DOP1A: variants seen among roughly 807,000 people sequenced by gnomAD.
DOP1A encodes DOP1 leucine zipper like protein A.
In DOP1A, 90 loss-of-function variants were observed where a neutral mutation model predicts 267.6. The ratio of observed to expected loss-of-function variants is 0.34; its 90% CI spans 0.28 to 0.40. The LOEUF (loss-of-function observed/expected upper bound fraction) is 0.40. Among genes scored for constraint, DOP1A ranks in the 10% least tolerant of loss-of-function variants. The pLI is 1.00. For missense variants in DOP1A, 2,437 were observed against 2,900.4 expected, an observed-to-expected ratio of 0.84 and a Z score of 3.67; for synonymous variants, 932 against 999.1, an observed-to-expected ratio of 0.93 and a Z score of 1.27.
At chr6:83,097,139 TA>T (rs1771642963) in intron 3 of DOP1A, 24 bp downstream of exon 3, 1 of 1,599,250 alleles carries the variant, frequency 6.3e-7, no homozygotes. Flanking sequence ...ATCCATTTCA[TA>T]AAAGGAGTAA....
intron 38 of DOP1A, chr6:83,167,215 G>A (rs141200751): frequency 1.1e-6 from 1 of 921,940 alleles, no homozygotes; most frequent in African/African-American, 1.8e-5. Context: ...GGTGCCGTAA[G>A]TATGGCAGAG....
At chr6:83,085,919 A>T (rs1328386785) in intron 1 of DOP1A, among the ~76,000 whole-genome samples, 2 of 152,074 alleles carry the variant, frequency 1.3e-5, no homozygotes, top group Non-Finnish European at 2.9e-5. Flanking sequence ...TTCTCTGTGG[A>T]GGATGAATTA....
intron 7 of DOP1A, among the ~76,000 whole-genome samples, chr6:83,115,641 G>A (rs906377391): frequency 5.3e-5 from 8 of 152,138 alleles, no homozygotes; most frequent in Admixed American, 1.3e-4. Context: ...GGAGAATGGC[G>A]TGAACCCGGG....
chr6:83,145,675 C>T lies in DOP1A; in HGVS notation c.5676+17C>T, dbSNP rs1454897322. 5 of 1,606,844 alleles carry T rather than the reference C, an allele frequency of 3.1e-6. No homozygotes were observed. Among genetic ancestry groups the T allele is most frequent in the Non-Finnish European group, 4.2e-6 (5 of 1,177,604 alleles). ...AAGGACAAGGTAAGAAAAAACTCTT[C>T]TTCACATGTGTTTACAATTCTGTTT... is the stretch of plus-strand genomic sequence containing the variant. On this transcript the variant is annotated intron_variant, in intron 25 of 38. Transcript: ENST00000349129.
chr6:83,137,350 T>TAGA lies in DOP1A; in HGVS notation c.3310_3312dup (p.Glu1104dup), dbSNP rs777710396. 6.2e-7 allele frequency: 1 copy of TAGA among 1,613,836 alleles called. No individual in the cohort carries two copies. Among genetic ancestry groups the TAGA allele is most frequent in the East Asian group, 2.2e-5 (1 of 44,854 alleles). ...GATTTTGATCTTCCAGACCAACAGA[T>TAGA]AGAAATACTTCAGAGTTCTGACTCG... On this transcript the variant is annotated inframe_insertion, in exon 21 of 39. Transcript: ENST00000349129.
At chr6:83,162,280 C>A (rs1456084040) in intron 37 of DOP1A, among the ~76,000 whole-genome samples, 1 of 151,922 alleles carries the variant, frequency 6.6e-6, no homozygotes. Context: ...GACAAAATTA[C>A]AAACAAAAAT....
At chr6:83,083,108 A>C (rs1768429813) in intron 1 of DOP1A, among the ~76,000 whole-genome samples, 2 of 152,102 alleles carry the variant, frequency 1.3e-5, no homozygotes, top group Non-Finnish European at 2.9e-5. Context: ...ATGCCTGGCC[A>C]AAAACCCACT....
chr6:83,161,266 C>G (rs568867759), intron 37 of DOP1A: 1 of 151,820 alleles, frequency 6.6e-6, no homozygotes, highest in African/African-American at 2.4e-5. Flanking sequence ...GGAAACATGC[C>G]GTTATATTAA....
Position 83,123,706 on chromosome 6 carries a change from T to C in DOP1A, c.1340+724T>C, listed in dbSNP as rs1776699716. On this transcript the variant is annotated intron_variant, in intron 12 of 38. Coordinates refer to ENST00000349129, the MANE Select transcript of DOP1A (RefSeq NM_015018.4). ...GTTAAAAAGCATCATGCTAGGCAGA[T>C]AGACAGTCCCTGTCTTCAAAGATCT... 2.0e-5 allele frequency among the ~76,000 whole-genome samples: 3 copies of C among 152,122 alleles called. No individual in the cohort carries two copies. In the South Asian group the frequency reaches 6.2e-4, roughly 31 times the overall value.
chr6:83,079,916 C>G (rs1263450920), intron 1 of DOP1A, among the ~76,000 whole-genome samples: 7 of 152,126 alleles, frequency 4.6e-5, no homozygotes, highest in Non-Finnish European at 1.0e-4. Flanking sequence ...CGTTTCACCT[C>G]TCTAATCATT....
At chr6:83,166,956 T>G (rs535447952) in intron 38 of DOP1A, 2 of 986,482 alleles carry the variant, frequency 2.0e-6, no homozygotes, top group East Asian at 2.3e-4. Flanking sequence ...AGTGTGGAAT[T>G]GTATCTGTGA....
chr6:83,116,069 G>A (rs938682855), intron 7 of DOP1A, among the ~76,000 whole-genome samples: 5 of 152,232 alleles, frequency 3.3e-5, no homozygotes. Flanking sequence ...TGTTCTTTTG[G>A]TTAAAGTATA....
At chr6:83,078,770 T>C (rs1767576204) in intron 1 of DOP1A, among the ~76,000 whole-genome samples, 1 of 152,166 alleles carries the variant, frequency 6.6e-6, no homozygotes, top group South Asian at 2.1e-4. Flanking sequence ...TGTAGAGATT[T>C]TTTACAATAA....
At position 83,168,333 on chromosome 6, in the gene DOP1A, G is replaced by C; in HGVS notation, c.*166G>C. 7.1e-7 allele frequency: 1 copy of C among 1,415,012 alleles called. No homozygotes were observed. Among genetic ancestry groups the C allele is most frequent in the Non-Finnish European group, 9.2e-7 (1 of 1,090,116 alleles). The allele number at this position is 1,415,012 out of a possible 1,614,324, so 87.7% of individuals were successfully genotyped here. The stretch of plus-strand genomic sequence containing the variant: ...AAGAGCAAATGTCTGAATGTGGCCT[G>C]AATCAAGTTTAAATATTGTTGGCTC... On this transcript the variant is annotated 3_prime_UTR_variant, in exon 39 of 39. Coordinates refer to ENST00000349129, the MANE Select transcript of DOP1A (RefSeq NM_015018.4).
At position 83,076,107 on chromosome 6, in the gene DOP1A, A is replaced by G. The variant is rs141729461; in HGVS notation, c.-147+8328A>G. 1.6e-3 allele frequency among the ~76,000 whole-genome samples: 251 copies of G among 152,360 alleles called. 1 individual carries two copies. Among genetic ancestry groups the G allele is most frequent in the African/African-American group, 6.0e-3 (248 of 41,592 alleles). The stretch of plus-strand genomic sequence containing the variant: ...GTTTGATAAGAGGCTAATACCCAGA[A>G]TATATAAAGAAAGAGCTACTCTTAC... On this transcript the variant is annotated intron_variant, in intron 1 of 38. Transcript: ENST00000349129.
chr6:83,129,859 C>T (rs1383514611), intron 16 of DOP1A, among the ~76,000 whole-genome samples: 2 of 152,106 alleles, frequency 1.3e-5, no homozygotes, highest in South Asian at 2.1e-4. Context: ...GTGAATACTA[C>T]ATAATGCTTA....
downstream of DOP1A, chr6:83,169,093 T>A: frequency 6.9e-7 from 1 of 1,448,638 alleles, no homozygotes; most frequent in Non-Finnish European, 9.0e-7. Context: ...TGTTAGTGTT[T>A]AAGAAAAACA....
At chr6:83,078,957 G>C (rs1250779831) in intron 1 of DOP1A, among the ~76,000 whole-genome samples, 2 of 152,076 alleles carry the variant, frequency 1.3e-5, no homozygotes, top group Admixed American at 1.3e-4. Flanking sequence ...ACATGAGAGG[G>C]GATGGACATT....
chr6:83,085,245 C>G (rs1768900098), intron 1 of DOP1A, among the ~76,000 whole-genome samples: 1 of 152,136 alleles, frequency 6.6e-6, no homozygotes, highest in African/African-American at 2.4e-5. Context: ...ATATTTGAGG[C>G]CCTACTGTTT....
Sources: gnomAD v4.1 joint callset for allele counts (sites outside exome capture counted in the v4.1 genomes callset) on GRCh38, gnomAD v4.1.1 for gene constraint, MANE v1.5 for transcripts, NCBI Gene and HGNC (gene_info 2026-07-23, HGNC 2026-07-21) for gene names.